The following COL25A1 variants were observed in gnomAD, a reference collection of about 807,000 sequenced individuals.
COL25A1 encodes the protein collagen alpha-1(XXV) chain.
COL25A1 carries 103 observed loss-of-function variants against 128.4 expected under a neutral mutation model. The ratio of observed to expected loss-of-function variants is 0.80; its 90% CI spans 0.68 to 0.94. COL25A1 has a LOEUF of 0.94. Ranked by LOEUF, COL25A1 falls within the 40% of genes least tolerant of loss-of-function variation. COL25A1 has a pLI of 0.00. For missense variants in COL25A1, 745 were observed against 840.0 expected (o/e 0.89, Z 1.40); for synonymous variants, 279 against 277.2 (o/e 1.01, Z -0.06).
chr4:109,207,464 G>A (rs1162007112), intron 3 of COL25A1, among the ~76,000 whole-genome samples: 1 of 152,130 alleles, frequency 6.6e-6, no homozygotes, highest in Non-Finnish European at 1.5e-5. Flanking sequence ...CTGATGGCTT[G>A]TCCCTGAGGT....
At chr4:109,168,371 G>C (rs1370592180) in intron 3 of COL25A1, among the ~76,000 whole-genome samples, 1 of 152,160 alleles carries the variant, frequency 6.6e-6, no homozygotes, top group Non-Finnish European at 1.5e-5. Context: ...CAGCAACAGA[G>C]TTGGGGTATT....
At chr4:108,895,938 C>CTTTTTTTTTTT (rs35506597) in intron 16 of COL25A1, among the ~76,000 whole-genome samples, 1 of 70,794 alleles carries the variant, frequency 1.4e-5, no homozygotes, top group Non-Finnish European at 2.5e-5. Flanking sequence ...TATAATCAAA[C>CTTTTTTTTTTT]TTTTTTTTTT....
At chr4:109,231,153 A>T (rs1019842765) in intron 3 of COL25A1, among the ~76,000 whole-genome samples, 3 of 151,972 alleles carry the variant, frequency 2.0e-5, no homozygotes, top group Non-Finnish European at 4.4e-5. Context: ...AAAAATAAAA[A>T]AATAATAATA....
At chr4:109,243,025 G>A (rs1047742803) in intron 3 of COL25A1, among the ~76,000 whole-genome samples, 4 of 151,972 alleles carry the variant, frequency 2.6e-5, no homozygotes. Context: ...CTACATATCT[G>A]CAACTTTATA....
At chr4:109,039,196 C>A (rs1024165883) in intron 5 of COL25A1, among the ~76,000 whole-genome samples, 11 of 152,098 alleles carry the variant, frequency 7.2e-5, no homozygotes, top group Admixed American at 6.6e-5. Flanking sequence ...TGTCCTCCTC[C>A]TTGTCCTTTA....
intron 3 of COL25A1, among the ~76,000 whole-genome samples, chr4:109,224,661 T>C (rs7681584): frequency 0.087 from 13,216 of 152,170 alleles, 1,194 homozygotes; most frequent in African/African-American, 0.23. Context: ...AATGCCTGGC[T>C]GGGCACAGTG....
intron 3 of COL25A1, among the ~76,000 whole-genome samples, chr4:109,090,464 A>C (rs1467172967): frequency 2.0e-5 from 3 of 152,222 alleles, no homozygotes; most frequent in Non-Finnish European, 4.4e-5. Flanking sequence ...AAAAGTCAAG[A>C]GGCTGTTAGG....
intron 31 of COL25A1, among the ~76,000 whole-genome samples, chr4:108,832,891 C>T (rs1367056047): frequency 2.0e-5 from 3 of 151,898 alleles, no homozygotes; most frequent in East Asian, 1.9e-4. Flanking sequence ...TTCCCCTACT[C>T]GGGAGGCTGA....
In COL25A1 at chr4:109,300,827, G is replaced by A. The variant is rs1305951821; in HGVS notation, c.298-175C>T. On this transcript the variant is annotated intron_variant, in intron 2 of 37. Coordinates refer to ENST00000399132, the MANE Select transcript of COL25A1 (RefSeq NM_198721.4). ...TAACCATGCCTAAGTCCTAAAAAAA[G>A]AAAATGACCACTGATAGGGTATCAA... Among the ~76,000 whole-genome samples, 15 of 152,106 alleles carry A rather than the reference G, an allele frequency of 9.9e-5. 1 individual carries two copies. Among genetic ancestry groups the A allele is most frequent in the Admixed American group, 9.8e-4 (15 of 15,260 alleles).
intron 3 of COL25A1, among the ~76,000 whole-genome samples, chr4:109,197,494 A>T (rs1272015391): frequency 3.1e-5 from 4 of 128,016 alleles, no homozygotes; most frequent in African/African-American, 1.2e-4. Context: ...TATTATATAT[A>T]AATATATATT....
intron 5 of COL25A1, among the ~76,000 whole-genome samples, chr4:109,012,793 A>C (rs3108320): frequency 0.51 from 77,594 of 151,972 alleles, 22,540 homozygotes; most frequent in African/African-American, 0.78. Context: ...AGCCTCCCTG[A>C]CGGGTGCCGC....
At chr4:109,147,852 T>G (rs1400908845) in intron 3 of COL25A1, among the ~76,000 whole-genome samples, 1 of 151,964 alleles carries the variant, frequency 6.6e-6, no homozygotes, top group Admixed American at 6.6e-5. Flanking sequence ...AGTATTTCTA[T>G]TTACATATTT....
intron 3 of COL25A1, among the ~76,000 whole-genome samples, chr4:109,092,548 C>A (rs568771731): frequency 6.6e-6 from 1 of 152,194 alleles, no homozygotes; most frequent in Non-Finnish European, 1.5e-5. Context: ...AAAGAATAAA[C>A]TTCCTCTGGG....
intron 3 of COL25A1, among the ~76,000 whole-genome samples, chr4:109,223,456 G>C (rs1204216743): frequency 1.3e-5 from 2 of 151,394 alleles, no homozygotes; most frequent in African/African-American, 4.9e-5. Context: ...ATTGACTTTA[G>C]AATCCAATAT....
At chr4:109,080,639 A>G (rs910749410) in intron 3 of COL25A1, among the ~76,000 whole-genome samples, 1 of 152,182 alleles carries the variant, frequency 6.6e-6, no homozygotes, top group African/African-American at 2.4e-5. Context: ...TTATCAAAAG[A>G]TGTTGAACCC....
chr4:108,871,367 G>A (rs1315122794), intron 19 of COL25A1, among the ~76,000 whole-genome samples: 2 of 152,156 alleles, frequency 1.3e-5, no homozygotes, highest in East Asian at 3.9e-4. Flanking sequence ...CCAGGCTGGA[G>A]TGCAGTGGCA....
chr4:109,176,905 C>A (rs1257288383), intron 3 of COL25A1, among the ~76,000 whole-genome samples: 1 of 152,126 alleles, frequency 6.6e-6, no homozygotes. Context: ...GGCCAGATCT[C>A]CCCTAGAGTT....
At chr4:108,883,536 C>G (rs1024848620) in intron 19 of COL25A1, among the ~76,000 whole-genome samples, 2 of 152,034 alleles carry the variant, frequency 1.3e-5, no homozygotes, top group Non-Finnish European at 2.9e-5. Context: ...AGTTGCCATG[C>G]AAAAAATTTC....
chr4:108,897,087 A>T (rs1042181206), intron 15 of COL25A1, among the ~76,000 whole-genome samples: 1 of 152,068 alleles, frequency 6.6e-6, no homozygotes, highest in Non-Finnish European at 1.5e-5. Context: ...GGCCTTCTTC[A>T]TATCATTCCT....
Sources: gnomAD v4.1 joint callset for allele counts (sites outside exome capture counted in the v4.1 genomes callset) on GRCh38, gnomAD v4.1.1 for gene constraint, MANE v1.5 for transcripts, NCBI Gene and HGNC (gene_info 2026-07-23, HGNC 2026-07-21) for gene names.